AP3B1: variants seen among roughly 807,000 people sequenced by gnomAD.
AP3B1 encodes AP-3 complex subunit beta-1.
A neutral mutation model predicts 132.5 loss-of-function variants in AP3B1; 61 were observed. The ratio of observed to expected loss-of-function variants is 0.46; its 90% CI spans 0.37 to 0.57. The LOEUF (loss-of-function observed/expected upper bound fraction) is 0.57, where lower values mean the gene tolerates loss of function less well. AP3B1 is among the 20% of genes least tolerant of loss of function. The pLI is 0.00. For missense variants in AP3B1, 1,120 were observed against 1,289.4 expected (o/e 0.87, Z 2.01); for synonymous variants, 388 against 438.3 (o/e 0.89, Z 1.43).
At chr5:78,280,072 CA>C (rs70997984) in intron 1 of AP3B1, among the ~76,000 whole-genome samples, 73 of 84,924 alleles carry the variant, frequency 8.6e-4, no homozygotes, top group Admixed American at 1.5e-3. Context: ...GACTCTGTCT[CA>C]AAAAAAAAAA....
At chr5:78,117,320 T>C (rs910435312) in intron 17 of AP3B1, among the ~76,000 whole-genome samples, 14 of 151,848 alleles carry the variant, frequency 9.2e-5, no homozygotes. Flanking sequence ...CAATTTTTTT[T>C]TTTTTTTGAG....
At chr5:78,203,687 T>C (rs1745390284) in intron 7 of AP3B1, among the ~76,000 whole-genome samples, 1 of 152,152 alleles carries the variant, frequency 6.6e-6, no homozygotes, top group African/African-American at 2.4e-5. Flanking sequence ...CCCCTTTCTC[T>C]CTCTCCTTTC....
At chr5:78,166,117 TCACACACACACACACACACACA>T (rs70997970) in intron 11 of AP3B1, among the ~76,000 whole-genome samples, 24 of 135,922 alleles carry the variant, frequency 1.8e-4, no homozygotes, top group East Asian at 4.5e-4. Flanking sequence ...TGAAACTCTG[TCACACACACACACACACACACA>T]CACACACACA....
At chr5:78,249,391 G>A (rs1282175998) in intron 2 of AP3B1, among the ~76,000 whole-genome samples, 1 of 151,836 alleles carries the variant, frequency 6.6e-6, no homozygotes, top group East Asian at 1.9e-4. Flanking sequence ...AATAAAAATT[G>A]TATCTTTCAT....
chr5:78,292,981 C>G (rs1449615416), intron 1 of AP3B1, among the ~76,000 whole-genome samples: 2 of 152,042 alleles, frequency 1.3e-5, no homozygotes, highest in South Asian at 4.1e-4. Context: ...CGGGTTCAAG[C>G]GATTCTCCTG....
rs991814042 is a variant in AP3B1, at chr5:78,003,069, A to T, written c.3132-14T>A. 3 of 1,613,838 alleles carry T rather than the reference A, an allele frequency of 1.9e-6. No homozygotes were observed. In the African/African-American group the frequency reaches 4.0e-5, roughly 22 times the overall value. On this transcript the variant is annotated splice_polypyrimidine_tract_variant and intron_variant, in intron 26 of 26. Coordinates refer to ENST00000255194, the MANE Select transcript of AP3B1 (RefSeq NM_003664.5). ...TTAGCTGCAAACCTGGAAGAGAAAA[A>T]AGAGAGACCTTTTATCATAAGATGG...
chr5:78,193,770 A>ATATATATATATATTTTTTTT, intron 7 of AP3B1, among the ~76,000 whole-genome samples: 32 of 67,186 alleles, frequency 4.8e-4, no homozygotes, highest in Admixed American at 1.1e-3. Context: ...ATATATATAT[A>ATATATATATATATTTTTTTT]TTTTTTTTTT....
chr5:78,279,850 AATATATATAGGACTTAAAT>A (rs1177951731), intron 1 of AP3B1, among the ~76,000 whole-genome samples: 5 of 115,988 alleles, frequency 4.3e-5, no homozygotes, highest in Admixed American at 1.7e-4. Context: ...ATAGGACTTA[AATATATATAGGACTTAAAT>A]ATATATATAT....
intron 13 of AP3B1, among the ~76,000 whole-genome samples, chr5:78,158,123 T>C (rs1406885000): frequency 2.0e-5 from 3 of 152,210 alleles, no homozygotes; most frequent in African/African-American, 4.8e-5. Context: ...ATTCTAATCA[T>C]TAGTAAATAT....
chr5:78,119,833 C>T (rs1431225946), intron 17 of AP3B1, among the ~76,000 whole-genome samples: 2 of 152,162 alleles, frequency 1.3e-5, no homozygotes, highest in African/African-American at 4.8e-5. Context: ...TCAGGAAATA[C>T]AGAGAACGCC....
At chr5:78,187,725 A>G (rs1744658996) in intron 7 of AP3B1, among the ~76,000 whole-genome samples, 1 of 152,196 alleles carries the variant, frequency 6.6e-6, no homozygotes, top group African/African-American at 2.4e-5. Flanking sequence ...CAGAACTAGA[A>G]AAAACTATTT....
chr5:78,210,881 G>A (rs1270481525), intron 7 of AP3B1, among the ~76,000 whole-genome samples: 1 of 152,000 alleles, frequency 6.6e-6, no homozygotes, highest in Admixed American at 6.6e-5. Context: ...TTTAGTCTTA[G>A]AGATCTAGGT....
intron 7 of AP3B1, among the ~76,000 whole-genome samples, chr5:78,185,589 T>G (rs146865823): frequency 6.6e-6 from 1 of 152,292 alleles, no homozygotes; most frequent in Non-Finnish European, 1.5e-5. Context: ...CACAAAGAGA[T>G]ATATTCGTGC....
At position 78,279,907 on chromosome 5, in the gene AP3B1, A is replaced by AATATAT. The variant is rs55881507; in HGVS notation, c.129-12318_129-12313dup. Among the ~76,000 whole-genome samples the AATATAT allele has an allele frequency of 1.6e-3, 181 of 114,330 alleles. 1 individual carries two copies. Among genetic ancestry groups the AATATAT allele is most frequent in the Middle Eastern group, 9.4e-3 (2 of 212 alleles). 75.0% of individuals were successfully genotyped at this position (114,330 alleles called of 152,430 possible). On this transcript the variant is annotated intron_variant, in intron 1 of 26. Coordinates refer to ENST00000255194, the MANE Select transcript of AP3B1 (RefSeq NM_003664.5). ...GACTTAAATATATATATATGACTTA[A>AATATAT]ATATATATATATATATATATATTAG... is the stretch of plus-strand genomic sequence containing the variant.
At chr5:78,048,533 T>C (rs59546913) in intron 22 of AP3B1, among the ~76,000 whole-genome samples, 5,873 of 152,228 alleles carry the variant, frequency 0.039, 378 homozygotes, top group African/African-American at 0.13. Flanking sequence ...ATTTGGTACC[T>C]AGTAATTTGA....
chr5:78,168,158 T>C (rs1368940656), intron 11 of AP3B1, among the ~76,000 whole-genome samples: 2 of 151,810 alleles, frequency 1.3e-5, no homozygotes, highest in Non-Finnish European at 2.9e-5. Context: ...TTTTCCCAGA[T>C]AATCTTTTAA....
chr5:78,174,010 C>T (rs574495879), intron 11 of AP3B1, among the ~76,000 whole-genome samples: 1 of 152,278 alleles, frequency 6.6e-6, no homozygotes, highest in African/African-American at 2.4e-5. Flanking sequence ...ACAAAGCTCT[C>T]GTGCCACAGT....
chr5:78,203,861 TCTG>T (rs1400976673), intron 7 of AP3B1, among the ~76,000 whole-genome samples: 2 of 152,204 alleles, frequency 1.3e-5, no homozygotes, highest in African/African-American at 4.8e-5. Context: ...CCTGTTCAAA[TCTG>T]CTGTTGATTG....
chr5:78,104,306 G>A (rs951097147), intron 20 of AP3B1, among the ~76,000 whole-genome samples: 1 of 152,098 alleles, frequency 6.6e-6, no homozygotes, highest in African/African-American at 2.4e-5. Context: ...AGTAAATTGA[G>A]ACTTCTTTAT....
Sources: gnomAD v4.1 joint callset for allele counts (sites outside exome capture counted in the v4.1 genomes callset) on GRCh38, gnomAD v4.1.1 for gene constraint, MANE v1.5 for transcripts, NCBI Gene and HGNC (gene_info 2026-07-23, HGNC 2026-07-21) for gene names.